The following SNRPA1 variants were observed in gnomAD, a reference collection of about 807,000 sequenced individuals.
SNRPA1 encodes U2 small nuclear ribonucleoprotein A'.
In SNRPA1, 5 loss-of-function variants were observed where a neutral mutation model predicts 32.3. The observed-to-expected ratio is 0.15, with a 90% CI of 0.08 to 0.33. The LOEUF (loss-of-function observed/expected upper bound fraction) is 0.33, where lower values mean the gene tolerates loss of function less well. SNRPA1 is among the 10% of genes least tolerant of loss of function. The pLI, the probability that SNRPA1 is intolerant of heterozygous loss-of-function variation, is 1.00. For synonymous variants in SNRPA1, 111 were observed against 120.1 expected, an observed-to-expected ratio of 0.92 and a Z score of 0.50; for missense variants, 198 against 311.1, an observed-to-expected ratio of 0.64 and a Z score of 2.74.
chr15:101,294,051 T>C (rs887473829), intron 1 of SNRPA1, among the ~76,000 whole-genome samples: 3 of 152,092 alleles, frequency 2.0e-5, no homozygotes, highest in Non-Finnish European at 4.4e-5. Flanking sequence ...CTGACCAACA[T>C]GGAGAAACCA....
At chr15:101,285,982 G>A in intron 6 of SNRPA1, 181 bp from the exon 7 acceptor site, 1 of 631,146 alleles carries the variant, frequency 1.6e-6, no homozygotes, top group South Asian at 2.0e-5. Flanking sequence ...TAGAAAATAG[G>A]ATGTACATGG....
At chr15:101,286,446 GTCT>G (rs974128705) in intron 5 of SNRPA1, 153 bp from the exon 6 acceptor site, 1 of 589,856 alleles carries the variant, frequency 1.7e-6, no homozygotes, top group Non-Finnish European at 2.9e-6. Context: ...AGACACAGTG[GTCT>G]TCTTTCTTTG....
chr15:101,293,358 C>T (rs2039549753), intron 1 of SNRPA1, 186 bp from the exon 2 acceptor site: 1 of 461,832 alleles, frequency 2.2e-6, no homozygotes, highest in Non-Finnish European at 3.9e-6. Flanking sequence ...AAACGCTGAA[C>T]GAGTCTCAAG....
At chr15:101,287,997 C>G (rs1447350615) in intron 3 of SNRPA1, 1 of 366,952 alleles carries the variant, frequency 2.7e-6, no homozygotes, top group Non-Finnish European at 5.2e-6. Context: ...GAAAAGAAAA[C>G]AATGGCAAAG....
intron 3 of SNRPA1, among the ~76,000 whole-genome samples, chr15:101,290,175 T>C (rs1036853749): frequency 2.0e-5 from 3 of 152,156 alleles, no homozygotes; most frequent in African/African-American, 7.2e-5. Context: ...TTTGTATGTA[T>C]CAAATAAGGC....
chr15:101,287,152 G>T, intron 4 of SNRPA1, 142 bp from the exon 5 acceptor site: 4 of 503,228 alleles, frequency 7.9e-6, no homozygotes, highest in South Asian at 3.1e-5. Flanking sequence ...TTAACATTAA[G>T]GAAATATATT....
At chr15:101,287,141 TTTAACA>T (rs2039464388) in intron 4 of SNRPA1, 131 bp from the exon 5 acceptor site, 1 of 526,940 alleles carries the variant, frequency 1.9e-6, no homozygotes, top group Non-Finnish European at 3.4e-6. Flanking sequence ...ATTGTAACAA[TTTAACA>T]TTAAGGAAAT....
chr15:101,282,487 A>C (rs1280007237), intron 8 of SNRPA1, among the ~76,000 whole-genome samples: 1 of 152,238 alleles, frequency 6.6e-6, no homozygotes, highest in Non-Finnish European at 1.5e-5. Flanking sequence ...CTGTGCAGAT[A>C]ATGGTGGATG....
chr15:101,289,124 T>C (rs1222654627), intron 3 of SNRPA1, among the ~76,000 whole-genome samples: 1 of 152,156 alleles, frequency 6.6e-6, no homozygotes, highest in East Asian at 1.9e-4. Context: ...CTTGATACTG[T>C]TTTACCCCCA....
intron 1 of SNRPA1, among the ~76,000 whole-genome samples, chr15:101,293,992 G>C (rs1479442463): frequency 2.6e-5 from 4 of 152,222 alleles, no homozygotes; most frequent in Non-Finnish European, 5.9e-5. Context: ...CCAGCACTTC[G>C]GGAGACCAAG....
rs532986129 is a variant in SNRPA1 at position 101,288,780 on chromosome 15, C to G, written c.310-1078G>C. On this transcript the variant is annotated intron_variant, in intron 3 of 8. Transcript: ENST00000254193. ...AGAGGGGAGGCGAGGAGCCGTCTTA[C>G]AAACTGGAGAACTCCAGTGACTGAG... 6.6e-5 allele frequency among the ~76,000 whole-genome samples: 10 copies of G among 152,300 alleles called. No homozygotes were observed. The South Asian group carries it at 1.9e-3, about 28-fold the overall frequency.
chr15:101,291,791 A>G (rs1436900483), intron 3 of SNRPA1, among the ~76,000 whole-genome samples, 171 bp downstream of exon 3: 1 of 152,236 alleles, frequency 6.6e-6, no homozygotes, highest in Non-Finnish European at 1.5e-5. Flanking sequence ...AAAAGTAGGA[A>G]AATATTTGCA....
At chr15:101,283,267 G>A (rs907530936) in intron 8 of SNRPA1, among the ~76,000 whole-genome samples, 2 of 152,156 alleles carry the variant, frequency 1.3e-5, no homozygotes, top group Non-Finnish European at 2.9e-5. Flanking sequence ...AACAGTCTTC[G>A]GCCAGGCGCG....
At chr15:101,282,387 C>G (rs886080164) in intron 8 of SNRPA1, among the ~76,000 whole-genome samples, 4 of 152,236 alleles carry the variant, frequency 2.6e-5, no homozygotes, top group African/African-American at 9.6e-5. Flanking sequence ...ATCATTCCAT[C>G]CTGTGCAATA....
chr15:101,282,112 C>G (rs1259326570), intron 8 of SNRPA1, among the ~76,000 whole-genome samples: 1 of 152,152 alleles, frequency 6.6e-6, no homozygotes, highest in Non-Finnish European at 1.5e-5. Flanking sequence ...GCAAAGAAAC[C>G]GGAAATACTC....
chr15:101,286,421 T>C (rs1327551163), intron 5 of SNRPA1, 128 bp from the exon 6 acceptor site: 1 of 699,856 alleles, frequency 1.4e-6, no homozygotes. Context: ...CAAAAAGCAA[T>C]TTCAAATTAA....
chr15:101,294,975 G>A, intron 1 of SNRPA1, 122 bp downstream of exon 1: 1 of 568,758 alleles, frequency 1.8e-6, no homozygotes, highest in African/African-American at 2.0e-5. Context: ...TGCGCAGCCC[G>A]GTCGGAGCCC....
chr15:101,285,804 T>C lies in SNRPA1; in HGVS notation c.540-3A>G. Reference sequence around the variant, plus strand: ...GCAAACCAGCACCTGGATTAAAACTTAAGAGGGGGAAGAACATAACTGTTA... The same window carrying C: ...GCAAACCAGCACCTGGATTAAAACTCAAGAGGGGGAAGAACATAACTGTTA... On this transcript the variant is annotated splice_region_variant and splice_polypyrimidine_tract_variant and intron_variant, in intron 6 of 8. Transcript: ENST00000254193. 6.2e-7 allele frequency: 1 copy of C among 1,611,884 alleles called. No homozygotes were observed. The highest frequency in any genetic ancestry group is 8.5e-7 in the Non-Finnish European group (1 of 1,178,536).
At chr15:101,285,619 CTG>C in intron 7 of SNRPA1, 105 bp downstream of exon 7, 2 of 762,964 alleles carry the variant, frequency 2.6e-6, no homozygotes, top group Non-Finnish European at 4.5e-6. Context: ...ATGCTAATAA[CTG>C]TGGGAAAATG....
Sources: allele counts gnomAD v4.1 joint callset (sites outside exome capture counted in the v4.1 genomes callset), GRCh38; gene constraint gnomAD v4.1.1; transcripts MANE v1.5; gene names NCBI Gene and HGNC (gene_info 2026-07-23, HGNC 2026-07-21).